Variants in MYO1C observed in about 807,000 individuals in gnomAD.
The protein encoded by MYO1C is unconventional myosin-Ic.
A neutral mutation model predicts 150.8 loss-of-function variants in MYO1C; 104 were observed. The observed-to-expected ratio is 0.69, with a 90% CI of 0.59 to 0.81. The LOEUF is 0.81. MYO1C is among the 30% of genes least tolerant of loss of function. MYO1C has a pLI of 0.00. For missense variants in MYO1C, 1,504 were observed against 1,435.0 expected (o/e 1.05, Z -0.78); for synonymous variants, 663 against 579.9 (o/e 1.14, Z -2.06).
intron 25 of MYO1C, chr17:1,469,232 G>A (rs995926331): frequency 6.8e-6 from 3 of 440,304 alleles, no homozygotes. Flanking sequence ...CGGTAGACCG[G>A]GGTCAATACT....
chr17:1,480,855 A>G lies in MYO1C; in HGVS notation c.658T>C (p.Tyr220His). 1 of 1,614,102 alleles carries G rather than the reference A, an allele frequency of 6.2e-7. No individual in the cohort carries two copies. The highest frequency in any genetic ancestry group is 8.5e-7 in the Non-Finnish European group (1 of 1,180,006). ...ACCACTCGTGACTTTTCCAGGAGGT[A>G]ACTGAGGATGTGGCCACCCACGGGG... ...GAPVGGHILS[Y>H]LLEKSRVVHQ... Residue 220 changes from tyrosine to histidine, a missense_variant, in exon 6 of 32, where the codon TAC (tyrosine) becomes CAC (histidine). Coordinates refer to ENST00000648651, the MANE Select transcript of MYO1C (RefSeq NM_001080779.2).
At chr17:1,476,837 G>GT (rs1257606106) in intron 14 of MYO1C, among the ~76,000 whole-genome samples, 10 of 150,848 alleles carry the variant, frequency 6.6e-5, no homozygotes, top group African/African-American at 2.5e-4. Context: ...CTAGTGTCTT[G>GT]TTTTTTGTTT....
rs1598337691 is a variant in MYO1C, at chr17:1,479,364, T to C, written c.1092+67A>G. The C allele has an allele frequency of 1.2e-6, 1 of 806,702 alleles. No individual in the cohort carries two copies. Among genetic ancestry groups the C allele is most frequent in the Non-Finnish European group, 2.1e-6 (1 of 479,822 alleles). 50.0% of individuals were successfully genotyped at this position (806,702 alleles called of 1,614,324 possible). ...GCTGAGGGAACCAGGCGAAGGGGAG[T>C]GATGGGAGTAGGGGCTGCCTTGGAA... On this transcript the variant is annotated intron_variant, in intron 9 of 31. Transcript: ENST00000648651. The surrounding 1 kb of genome is among the most constrained non-coding windows in gnomAD (Gnocchi z 4.2).
chr17:1,479,777 G>T lies in MYO1C; in HGVS notation c.907-72C>A. 1.9e-6 allele frequency: 2 copies of T among 1,035,898 alleles called. No homozygotes were observed. The highest frequency in any genetic ancestry group is 1.5e-6 in the Non-Finnish European group (1 of 681,762). 64.2% of individuals were successfully genotyped at this position (1,035,898 alleles called of 1,614,324 possible). A position where few individuals can be genotyped will look rare whatever the true frequency, so the allele number is the denominator to read the frequency against. ...GCCCCAAGAGGGCAACTAGCAGATG[G>T]CCATGCAGGGGTGGGTGGTGAAGTG... On this transcript the variant is annotated intron_variant, in intron 7 of 31. Coordinates refer to ENST00000648651, the MANE Select transcript of MYO1C (RefSeq NM_001080779.2). The surrounding 1 kb of genome is among the most constrained non-coding windows in gnomAD (Gnocchi z 4.2).
Position 1,490,224 on chromosome 17 carries a change from G to A in MYO1C, c.75+2189C>T, listed in dbSNP as rs536789889. ...CTAAAACCTCACCTCCAGGCCGGGC[G>A]CGGTGGCTCAGGCCTGTAATCCCAG... On this transcript the variant is annotated intron_variant, in intron 1 of 31. Coordinates refer to ENST00000648651, the MANE Select transcript of MYO1C (RefSeq NM_001080779.2). Among the ~76,000 whole-genome samples the A allele has an allele frequency of 5.9e-5, 9 of 151,692 alleles. No individual in the cohort carries two copies. In the East Asian group the frequency reaches 1.4e-3, roughly 23 times the overall value.
chr17:1,475,200 C>T (rs2074380209), intron 14 of MYO1C, among the ~76,000 whole-genome samples, 168 bp from the exon 15 acceptor site: 1 of 152,152 alleles, frequency 6.6e-6, no homozygotes, highest in African/African-American at 2.4e-5. Flanking sequence ...GTGGGTAGAT[C>T]ACAAAGTCAG....
chr17:1,486,116 G>A (rs2074651208), intron 1 of MYO1C: 1 of 153,012 alleles, frequency 6.5e-6, no homozygotes, highest in African/African-American at 2.4e-5. Flanking sequence ...CGAGGCCTGC[G>A]GGTCCCAGAG....
In MYO1C at chr17:1,469,230, C is replaced by T. The variant is rs528812637; in HGVS notation, c.2610+301G>A. ...GTAGGCAGGGCAAAATACGGTAGACCGGGGTCAATACTATAGACGGGGTAA... is the reference window on the plus strand; with the variant it reads ...GTAGGCAGGGCAAAATACGGTAGACTGGGGTCAATACTATAGACGGGGTAA... On this transcript the variant is annotated intron_variant, in intron 25 of 31. Transcript: ENST00000648651. 452 of 433,302 alleles carry T rather than the reference C, an allele frequency of 1.0e-3. 6 individuals are homozygous for T. The highest frequency in any genetic ancestry group is 7.7e-3 in the Middle Eastern group (11 of 1,426). The allele number at this position is 433,302 out of a possible 1,614,324, so 26.8% of individuals were successfully genotyped here.
rs562681119 is a variant in MYO1C, at chr17:1,467,936, G to T, written c.2897-26C>A. On this transcript the variant is annotated intron_variant, in intron 28 of 31. Coordinates refer to ENST00000648651, the MANE Select transcript of MYO1C (RefSeq NM_001080779.2). ...CTGAGGGGAGAGGGCAAAGGTCAGAGGTCGAGGGTCAGAGCAGGGCCCTCC... is the reference window on the plus strand; with the variant it reads ...CTGAGGGGAGAGGGCAAAGGTCAGATGTCGAGGGTCAGAGCAGGGCCCTCC... 2.2e-4 allele frequency: 356 copies of T among 1,612,876 alleles called. 9 individuals carry two copies. The South Asian group carries it at 3.2e-3, about 14-fold the overall frequency.
Position 1,484,100 on chromosome 17 carries a change from T to G in MYO1C, c.231+48A>C, listed in dbSNP as rs376048640. 3,738 of 1,605,746 alleles carry G rather than the reference T, an allele frequency of 2.3e-3. 96 individuals are homozygous for G. The South Asian group carries it at 0.038, about 16-fold the overall frequency. ...GGTGTCTCTTTCCCCTCCGCTTGCC[T>G]GTGTCTGTGACCCCAGCACCCCTGC... On this transcript the variant is annotated intron_variant, in intron 2 of 31. Transcript: ENST00000648651.
chr17:1,471,174 G>C (rs768886064), intron 20 of MYO1C, 27 bp from the exon 21 acceptor site: 1 of 1,613,928 alleles, frequency 6.2e-7, no homozygotes, highest in Non-Finnish European at 8.5e-7. Flanking sequence ...GATCAGCCCG[G>C]GGTTGCCACT....
intron 1 of MYO1C, chr17:1,485,851 GGCCTCCCCC>G (rs951952002): frequency 2.8e-6 from 1 of 353,470 alleles, no homozygotes; most frequent in African/African-American, 2.2e-5. Flanking sequence ...GGGCTTCCCC[GGCCTCCCCC>G]GCCTCCCGCG....
rs2074643564 is a variant in MYO1C at position 1,485,798 on chromosome 17, G to GACCC, written c.76-1496_76-1495insGGGT. The GACCC allele has an allele frequency of 2.1e-5, 17 of 824,204 alleles. No homozygotes were observed. In the Admixed American group the frequency reaches 3.6e-4, roughly 17 times the overall value. The allele number at this position is 824,204 out of a possible 1,614,324, so 51.1% of individuals were successfully genotyped here. A position where few individuals can be genotyped will look rare whatever the true frequency, so the allele number is the denominator to read the frequency against. The stretch of plus-strand genomic sequence containing the variant: ...GGTGGCGGCGGCGTCAGCGAGGGAG[G>GACCC]GCCCGCCCCCCGCACCGCCCCCACC... On this transcript the variant is annotated intron_variant, in intron 1 of 31. Coordinates refer to ENST00000648651, the MANE Select transcript of MYO1C (RefSeq NM_001080779.2).
Position 1,470,276 on chromosome 17 carries a change from G to C in MYO1C, c.2425C>G (p.Leu809Val), listed in dbSNP as rs2074272298. 2 of 1,597,680 alleles carry C rather than the reference G, an allele frequency of 1.3e-6. No individual in the cohort carries two copies. The highest frequency in any genetic ancestry group is 2.3e-5 in the South Asian group (2 of 88,684). Residue 809 changes from leucine to valine, a missense_variant, in exon 24 of 32, where the codon CTG becomes GTG. Leu to Val is a conservative substitution (Grantham distance 32). Coordinates refer to ENST00000648651, the MANE Select transcript of MYO1C (RefSeq NM_001080779.2). The stretch of plus-strand genomic sequence containing the variant: ...AAAAAAGAGGTGCGCACATGGTCCA[G>C]GAAGAAGGCGTTCTCGGGGCAGCGG... ...APRCPENAFF[L>V]DHVRTSFLLN...
chr17:1,480,606 G>C lies in MYO1C; in HGVS notation c.827C>G (p.Ser276Cys). 1 of 1,614,170 alleles carries C rather than the reference G, an allele frequency of 6.2e-7. No homozygotes were observed. Among genetic ancestry groups the C allele is most frequent in the Non-Finnish European group, 8.5e-7 (1 of 1,180,032 alleles). The change falls in exon 7 of 32, where the codon TCC (serine) becomes TGC (cysteine). Residue 276 changes from serine to cysteine, a missense_variant. Coordinates refer to ENST00000648651, the MANE Select transcript of MYO1C (RefSeq NM_001080779.2). ...CCAGTCACTCTTGTCGTTGATGGAG[G>C]AGACTTTGGCACACTGGCCCTGGAG... ...YLVKGQCAKV[S>C]SINDKSDWKV...
At position 1,474,798 on chromosome 17, in the gene MYO1C, C is replaced by G; in HGVS notation, c.1716+14G>C. The G allele has an allele frequency of 6.2e-7, 1 of 1,613,926 alleles. No individual in the cohort carries two copies. The highest frequency in any genetic ancestry group is 2.2e-5 in the East Asian group (1 of 44,888). On this transcript the variant is annotated intron_variant, in intron 16 of 31. Transcript: ENST00000648651. ...ATCCCCACCCCCACCCCGGCCTCCC[C>G]ACGTCCTCCTCACCTCCTTAAGGTT...
At chr17:1,481,893 C>T (rs906352113) in intron 5 of MYO1C, among the ~76,000 whole-genome samples, 10 of 151,646 alleles carry the variant, frequency 6.6e-5, no homozygotes, top group East Asian at 1.9e-4. Context: ...TCTCTCTGTT[C>T]GCGGGCCCCT....
chr17:1,465,855 T>C (rs1225269168), intron 31 of MYO1C, 103 bp from the exon 32 acceptor site: 3 of 854,450 alleles, frequency 3.5e-6, no homozygotes, highest in Non-Finnish European at 4.9e-6. Context: ...TTATGGAGAA[T>C]GGGGTCTCGC....
intron 17 of MYO1C, chr17:1,472,463 C>T (rs1215793163): frequency 3.6e-6 from 2 of 556,832 alleles, no homozygotes; most frequent in Non-Finnish European, 6.4e-6. Flanking sequence ...GCCTAAAACT[C>T]CTGCTCAGGT....
Sources: gnomAD v4.1 joint callset for allele counts (sites outside exome capture counted in the v4.1 genomes callset) on GRCh38, gnomAD v4.1.1 for gene constraint, Gnocchi (gnomAD v3.1) non-coding constraint, MANE v1.5 for transcripts, NCBI Gene and HGNC (gene_info 2026-07-23, HGNC 2026-07-21) for gene names.